The following RPGRIP1L variants were observed in gnomAD, a reference collection of about 807,000 sequenced individuals.
The protein encoded by RPGRIP1L is RPGRIP1 like.
In RPGRIP1L, 131 loss-of-function variants were observed where a neutral mutation model predicts 160.4. The observed-to-expected ratio is 0.82, with a 90% CI of 0.71 to 0.94. RPGRIP1L has a LOEUF of 0.94. Ranked by LOEUF, RPGRIP1L falls within the 40% of genes least tolerant of loss-of-function variation. The pLI, the probability that RPGRIP1L is intolerant of heterozygous loss-of-function variation, is 0.00. For synonymous variants in RPGRIP1L, 510 were observed against 515.8 expected (o/e 0.99, Z 0.15); for missense variants, 1,522 against 1,535.8 (o/e 0.99, Z 0.15).
chr16:53,640,943 A>G (rs564258096), intron 19 of RPGRIP1L, 90 bp downstream of exon 19: 2 of 923,430 alleles, frequency 2.2e-6, no homozygotes, highest in African/African-American at 1.6e-5. Flanking sequence ...ACCTGTTTCC[A>G]TTTAAATCAG....
chr16:53,696,705 TA>T (rs1970788942), intron 2 of RPGRIP1L, among the ~76,000 whole-genome samples: 1 of 152,162 alleles, frequency 6.6e-6, no homozygotes, highest in South Asian at 2.1e-4. Context: ...ATAACTAAGA[TA>T]TTTTTCTGTG....
Position 53,641,069 on chromosome 16 carries a change from CT to C in RPGRIP1L, c.2921del (p.Lys974ArgfsTer29), listed in dbSNP as rs777459060. On this transcript the variant is annotated frameshift_variant, in exon 19 of 27. Transcript: ENST00000647211. LOFTEE classifies it high-confidence loss of function. ...PRQRLTPVDK[K>X]VSFVDIMPHQ... ...GTGGCATGATATCCACGAAAGATAC[CT>C]TCTTATCTACAGGTGTTAAACGTTG... 6.2e-7 allele frequency: 1 copy of C among 1,613,722 alleles called. No homozygotes were observed. The highest frequency in any genetic ancestry group is 8.5e-7 in the Non-Finnish European group (1 of 1,179,790).
At chr16:53,612,489 A>ACTTTTTT (rs756195329) in intron 24 of RPGRIP1L, among the ~76,000 whole-genome samples, 2 of 131,574 alleles carry the variant, frequency 1.5e-5, no homozygotes. Flanking sequence ...TCCAAATGGG[A>ACTTTTTT]TTTTTTTTTT....
chr16:53,624,912 T>A (rs1457084963), intron 22 of RPGRIP1L, among the ~76,000 whole-genome samples: 3 of 151,990 alleles, frequency 2.0e-5, no homozygotes, highest in Non-Finnish European at 4.4e-5. Context: ...ATTGCAGGCG[T>A]GCGCCACCAC....
At position 53,657,525 on chromosome 16, in the gene RPGRIP1L, T is replaced by C. The variant is rs2151156589; in HGVS notation, c.1509A>G (p.Ala503=). ...RSMRELQATH[A]ETVQELEKTR... ...TCTTTTCCAGCTCTTGCACCGTTTC[T>C]GCATGAGTTGCTTGCAGCTCTCTCA... Residue 503 remains alanine, a synonymous_variant, in exon 13 of 27, where the codon GCA becomes GCG. Transcript: ENST00000647211. The C allele has an allele frequency of 1.2e-6, 2 of 1,612,824 alleles. No individual in the cohort carries two copies. The highest frequency in any genetic ancestry group is 1.7e-6 in the Non-Finnish European group (2 of 1,179,134).
At chr16:53,625,114 C>CG (rs1965007210) in intron 22 of RPGRIP1L, among the ~76,000 whole-genome samples, 1 of 152,174 alleles carries the variant, frequency 6.6e-6, no homozygotes, top group Non-Finnish European at 1.5e-5. Context: ...TGGCTCGCTA[C>CG]AACCTCCACC....
intron 22 of RPGRIP1L, among the ~76,000 whole-genome samples, chr16:53,634,145 T>C (rs1965688510): frequency 6.6e-6 from 1 of 151,532 alleles, no homozygotes; most frequent in South Asian, 2.1e-4. Context: ...AGAGGAGGAA[T>C]GCTGTGTTCT....
intron 16 of RPGRIP1L, among the ~76,000 whole-genome samples, chr16:53,647,023 C>T (rs1966599368): frequency 6.6e-6 from 1 of 152,188 alleles, no homozygotes; most frequent in African/African-American, 2.4e-5. Context: ...CACACCAGAG[C>T]TGAAATTCCA....
chr16:53,664,252 A>C (rs1009114404), intron 10 of RPGRIP1L, among the ~76,000 whole-genome samples: 3 of 152,180 alleles, frequency 2.0e-5, no homozygotes, highest in Non-Finnish European at 2.9e-5. Context: ...ACTGAAACTT[A>C]TTAGTGATTA....
rs1310552754 is a variant in RPGRIP1L at position 53,657,632 on chromosome 16, C to T, written c.1402G>A (p.Ala468Thr). ...TCTCCATTTTTTTGTTCTTTTTGAG[C>T]CTAAAATAAAAAACATGTTTTATGA... ...ELSEALLLIK[A>T]QKEQKNGDLS... The change falls in exon 13 of 27, where the codon GCT (alanine) becomes ACT (threonine). Residue 468 changes from alanine (A) to threonine (T), a missense_variant and splice_region_variant. By Grantham distance (58) the Ala-to-Thr change is moderately conservative. Transcript: ENST00000647211. 1 of 1,553,606 alleles carries T rather than the reference C, an allele frequency of 6.4e-7. No individual in the cohort carries two copies. Among genetic ancestry groups the T allele is most frequent in the Non-Finnish European group, 8.8e-7 (1 of 1,139,376 alleles).
intron 22 of RPGRIP1L, among the ~76,000 whole-genome samples, chr16:53,627,786 A>C (rs1248320443): frequency 6.6e-6 from 1 of 152,138 alleles, no homozygotes; most frequent in East Asian, 1.9e-4. Context: ...TATTTTTCAA[A>C]TCCAATTTAT....
chr16:53,647,763 T>C (rs1966656401), intron 16 of RPGRIP1L, among the ~76,000 whole-genome samples: 1 of 152,182 alleles, frequency 6.6e-6, no homozygotes, highest in South Asian at 2.1e-4. Flanking sequence ...CTATATCTTA[T>C]CCCTCTGTTA....
intron 13 of RPGRIP1L, 27 bp downstream of exon 13, chr16:53,657,426 C>A: frequency 6.7e-7 from 1 of 1,481,680 alleles, no homozygotes; most frequent in Non-Finnish European, 9.4e-7. Flanking sequence ...AGAAAACTTA[C>A]TTTCCCCATT....
chr16:53,691,203 T>A (rs1317820477), intron 4 of RPGRIP1L, among the ~76,000 whole-genome samples: 1 of 152,084 alleles, frequency 6.6e-6, no homozygotes, highest in Non-Finnish European at 1.5e-5. Context: ...TAAAGTATAG[T>A]CTAAACAAAA....
At chr16:53,646,899 G>A (rs1264454341) in intron 16 of RPGRIP1L, among the ~76,000 whole-genome samples, 1 of 152,114 alleles carries the variant, frequency 6.6e-6, no homozygotes, top group Admixed American at 6.5e-5. Flanking sequence ...GTGTGGAGAG[G>A]AGAAATCTAA....
Position 53,658,441 on chromosome 16 carries a change from T to C in RPGRIP1L, c.1374A>G (p.Glu458=), listed in dbSNP as rs2151162320. The C allele has an allele frequency of 3.7e-6, 6 of 1,611,428 alleles. No individual in the cohort carries two copies. The highest frequency in any genetic ancestry group is 5.1e-6 in the Non-Finnish European group (6 of 1,177,726). ...TTATAAGTAGGAGAGCTTCACTCAA[T>C]TCATCAGCATTAATATCATTCTCCT... ...YNQENDINAD[E]LSEALLLIKA... The change falls in exon 12 of 27, where the codon GAA becomes GAG. Residue 458 remains glutamate, a synonymous_variant. Transcript: ENST00000647211.
At chr16:53,644,431 A>T (rs1966423528) in intron 17 of RPGRIP1L, among the ~76,000 whole-genome samples, 1 of 152,234 alleles carries the variant, frequency 6.6e-6, no homozygotes, top group Non-Finnish European at 1.5e-5. Context: ...TGAAAAAATA[A>T]TGGCAGTAAA....
rs1971226252 is a variant in RPGRIP1L, at chr16:53,699,762, G to A, written c.85+877C>T. On this transcript the variant is annotated intron_variant, in intron 2 of 26. Coordinates refer to ENST00000647211, the MANE Select transcript of RPGRIP1L (RefSeq NM_015272.5). ...AAATCCGGGAGGCGGAGGTTGTAGT[G>A]AGCGGAGGTCGCGCCACTGCACTCC... Among the ~76,000 whole-genome samples the A allele has an allele frequency of 2.0e-5, 3 of 149,056 alleles. No homozygotes were observed. In the Admixed American group the frequency reaches 2.0e-4, roughly 10 times the overall value.
intron 6 of RPGRIP1L, among the ~76,000 whole-genome samples, chr16:53,681,387 C>G (rs920570585): frequency 6.6e-6 from 1 of 152,076 alleles, no homozygotes; most frequent in Non-Finnish European, 1.5e-5. Context: ...TAAAATCATT[C>G]TGATTTTAAC....
Sources: allele counts gnomAD v4.1 joint callset (sites outside exome capture counted in the v4.1 genomes callset), GRCh38; gene constraint gnomAD v4.1.1; transcripts MANE v1.5; gene names NCBI Gene and HGNC (gene_info 2026-07-23, HGNC 2026-07-21).